Variants in PIGS observed in about 807,000 individuals in gnomAD.
The protein encoded by PIGS is GPI-anchor transamidase component PIGS.
In PIGS, 37 loss-of-function variants were observed where a neutral mutation model predicts 58.2. That is an observed-to-expected ratio of 0.64 (90% CI 0.49 to 0.84). The LOEUF is 0.84. Ranked by LOEUF, PIGS falls within the 40% of genes least tolerant of loss-of-function variation. The pLI, the probability that PIGS is intolerant of heterozygous loss-of-function variation, is 0.00. For missense variants in PIGS, 629 were observed against 710.8 expected (o/e 0.88, Z 1.31); for synonymous variants, 269 against 289.2 (o/e 0.93, Z 0.71).
chr17:28,570,122 C>G (rs1380281290), intron 3 of PIGS, among the ~76,000 whole-genome samples: 1 of 152,194 alleles, frequency 6.6e-6, no homozygotes, highest in Non-Finnish European at 1.5e-5. Flanking sequence ...TCTTTCTCCC[C>G]TACCTATGAA....
chr17:28,557,489 TC>T (rs1435045091), intron 8 of PIGS: 3 of 159,290 alleles, frequency 1.9e-5, no homozygotes, highest in Non-Finnish European at 4.1e-5. Context: ...CTAAGCTCTC[TC>T]ACTTGTCTGC....
At chr17:28,564,663 C>T (rs1419697259) in intron 3 of PIGS, among the ~76,000 whole-genome samples, 3 of 149,420 alleles carry the variant, frequency 2.0e-5, no homozygotes, top group African/African-American at 2.5e-5. Flanking sequence ...TGCAGTGAGC[C>T]GAGATCACAC....
intron 3 of PIGS, among the ~76,000 whole-genome samples, chr17:28,569,004 G>A (rs2070410412): frequency 6.7e-6 from 1 of 150,316 alleles, no homozygotes; most frequent in African/African-American, 2.5e-5. Flanking sequence ...GGCTGAGCCA[G>A]AAGAATCGTT....
chr17:28,558,638 C>G (rs1307269732), intron 7 of PIGS, 48 bp from the exon 8 acceptor site: 1 of 1,448,706 alleles, frequency 6.9e-7, no homozygotes, highest in Admixed American at 2.0e-5. Context: ...TTATATTCTA[C>G]TTTCTCCCAA....
intron 1 of PIGS, 131 bp from the exon 2 acceptor site, chr17:28,571,319 C>A: frequency 6.6e-7 from 1 of 1,509,662 alleles, no homozygotes; most frequent in East Asian, 2.4e-5. Context: ...CGAAGGGACC[C>A]GGCCCAAGCC....
At position 28,555,007 on chromosome 17, in the gene PIGS, C is replaced by T; in HGVS notation, c.1236G>A (p.Gly412=). 6.2e-7 allele frequency: 1 copy of T among 1,610,552 alleles called. No homozygotes were observed. The highest frequency in any genetic ancestry group is 2.2e-5 in the East Asian group (1 of 44,876). The change falls in exon 11 of 12, where the codon GGG becomes GGA. Residue 412 remains glycine (G), a synonymous_variant. Coordinates refer to ENST00000308360, the MANE Select transcript of PIGS (RefSeq NM_033198.4). ...AGGTCATTAGCCCTTCACTCGTAGG[C>T]CCTGAAAGCAGGCATTTTGGAGGCA... The part of the protein sequence containing the change: ...PQLPPKCLLS[G]PTSEGLMTWE...
At chr17:28,559,811 CAA>C (rs746543615) in intron 7 of PIGS, among the ~76,000 whole-genome samples, 5 of 151,238 alleles carry the variant, frequency 3.3e-5, no homozygotes, top group African/African-American at 4.9e-5. Flanking sequence ...CAAGCACTGA[CAA>C]ACTCTCTCAA....
At chr17:28,564,961 C>T (rs1018554725) in intron 3 of PIGS, among the ~76,000 whole-genome samples, 1 of 152,164 alleles carries the variant, frequency 6.6e-6, no homozygotes, top group African/African-American at 2.4e-5. Flanking sequence ...AACAAGGATG[C>T]CTGCTATCTC....
In PIGS at chr17:28,554,270, T is replaced by A. The variant is rs771672579; in HGVS notation, c.1618A>T (p.Ile540Phe). Residue 540 changes from isoleucine (I) to phenylalanine (F), a missense_variant, in exon 12 of 12, where the codon ATC becomes TTC. Transcript: ENST00000308360. The stretch of plus-strand genomic sequence containing the variant: ...CAGGACTTGCGGGTCTCCAGGAAGA[T>A]CTTGACCAGGGACAGGAGGATGGGC... ...AVPILLSLVK[I>F]FLETRKSWRK... is the part of the protein sequence containing the mutation. 5 of 1,614,150 alleles carry A rather than the reference T, an allele frequency of 3.1e-6. No homozygotes were observed. Among genetic ancestry groups the A allele is most frequent in the Non-Finnish European group, 4.2e-6 (5 of 1,180,016 alleles).
chr17:28,563,761 G>T, intron 4 of PIGS, 57 bp downstream of exon 4: 1 of 1,514,372 alleles, frequency 6.6e-7, no homozygotes, highest in Non-Finnish European at 9.2e-7. Context: ...TGCACTTAGA[G>T]ATCAGAAGGA....
At chr17:28,565,029 T>C (rs1229821483) in intron 3 of PIGS, among the ~76,000 whole-genome samples, 1 of 152,200 alleles carries the variant, frequency 6.6e-6, no homozygotes, top group Non-Finnish European at 1.5e-5. Context: ...CAATGTAATA[T>C]GTGAAGAAAG....
Position 28,570,780 on chromosome 17 carries a change from C to T in PIGS, c.286+72G>A, listed in dbSNP as rs1048455136. 4 of 1,449,414 alleles carry T rather than the reference C, an allele frequency of 2.8e-6. No individual in the cohort carries two copies. The African/African-American group carries it at 4.2e-5, about 15-fold the overall frequency. The allele number at this position is 1,449,414 out of a possible 1,614,324, so 89.8% of individuals were successfully genotyped here. A position where few individuals can be genotyped will look rare whatever the true frequency, so the allele number is the denominator to read the frequency against. On this transcript the variant is annotated intron_variant, in intron 3 of 11. Transcript: ENST00000308360. Reference sequence around the variant, plus strand: ...TTTAACTGCGTTTATGGTACACCCCCGCTCCTCCCACCCAACTCAGCTCTG... The same window carrying T: ...TTTAACTGCGTTTATGGTACACCCCTGCTCCTCCCACCCAACTCAGCTCTG...
intron 10 of PIGS, chr17:28,555,691 C>A: frequency 5.9e-6 from 1 of 169,300 alleles, no homozygotes. Flanking sequence ...GTTTTGCTGG[C>A]TGGGCACAGT....
rs78741636 is a variant in PIGS at position 28,557,466 on chromosome 17, G to A, written c.935-494C>T. Reference sequence around the variant, plus strand: ...TTTCAGCCACACTAAACTACTCTGAGCTTCCTGAATGCCTAAGCTCTCTCA... The same window carrying A: ...TTTCAGCCACACTAAACTACTCTGAACTTCCTGAATGCCTAAGCTCTCTCA... On this transcript the variant is annotated intron_variant, in intron 8 of 11. Coordinates refer to ENST00000308360, the MANE Select transcript of PIGS (RefSeq NM_033198.4). 17 of 164,306 alleles carry A rather than the reference G, an allele frequency of 1.0e-4. No individual in the cohort carries two copies. The East Asian group carries it at 3.2e-3, about 31-fold the overall frequency. The allele number at this position is 164,306 out of a possible 1,614,324, so 10.2% of individuals were successfully genotyped here.
chr17:28,571,010 G>A (rs749356692), intron 2 of PIGS, 39 bp downstream of exon 2: 16 of 1,614,146 alleles, frequency 9.9e-6, no homozygotes, highest in Non-Finnish European at 1.2e-5. Flanking sequence ...CACCTTGCCG[G>A]GGGGGCTGTC....
chr17:28,570,920 G>A lies in PIGS; in HGVS notation c.218C>T (p.Ser73Leu). ...CTTCTCCTGGTCGTCCAGGGGCACT[G>A]ACTCCCGCGTAAACACGACAGTGAC... ...VPVTVVFTRESVPLDDQEKLP... is the reference protein window; with the variant it reads ...VPVTVVFTRELVPLDDQEKLP... Residue 73 changes from serine (S) to leucine (L), a missense_variant, in exon 3 of 12, where the codon TCA becomes TTA. Coordinates refer to ENST00000308360, the MANE Select transcript of PIGS (RefSeq NM_033198.4). 1 of 1,614,226 alleles carries A rather than the reference G, an allele frequency of 6.2e-7. No individual in the cohort carries two copies. Among genetic ancestry groups the A allele is most frequent in the Non-Finnish European group, 8.5e-7 (1 of 1,180,042 alleles).
chr17:28,555,261 G>A (rs2070319592), intron 10 of PIGS, 200 bp from the exon 11 acceptor site: 1 of 539,866 alleles, frequency 1.9e-6, no homozygotes, highest in Non-Finnish European at 3.2e-6. Flanking sequence ...GCTTCAACAG[G>A]TGTTTCTGCT....
chr17:28,561,039 C>T (rs892500713), intron 6 of PIGS, among the ~76,000 whole-genome samples: 2 of 151,906 alleles, frequency 1.3e-5, no homozygotes, highest in South Asian at 2.1e-4. Context: ...GGGCAGATCA[C>T]GAGGTCAGGA....
intron 3 of PIGS, 54 bp downstream of exon 3, chr17:28,570,798 C>G (rs1208846970): frequency 1.7e-5 from 27 of 1,571,452 alleles, no homozygotes; most frequent in Middle Eastern, 1.7e-4. Context: ...CCACCCAACT[C>G]AGCTCTGAAC....
Sources: allele counts gnomAD v4.1 joint callset (sites outside exome capture counted in the v4.1 genomes callset), GRCh38; gene constraint gnomAD v4.1.1; transcripts MANE v1.5; gene names NCBI Gene and HGNC (gene_info 2026-07-23, HGNC 2026-07-21).